Variants in PTPRN2 observed in about 807,000 individuals in gnomAD.
The protein encoded by PTPRN2 is protein tyrosine phosphatase receptor type N2.
A neutral mutation model predicts 118.8 loss-of-function variants in PTPRN2; 74 were observed. The observed-to-expected ratio is 0.62, with a 90% CI of 0.52 to 0.76. The LOEUF is 0.76. PTPRN2 is among the 30% of genes least tolerant of loss of function. The probability of loss-of-function intolerance (pLI) is 0.00; values close to 1 mark genes in which losing one functional copy is unlikely to be tolerated. For missense variants in PTPRN2, 1,481 were observed against 1,394.4 expected (o/e 1.06, Z -0.99); for synonymous variants, 641 against 608.0 (o/e 1.05, Z -0.80).
intron 3 of PTPRN2, among the ~76,000 whole-genome samples, chr7:158,249,929 T>C (rs1796552279): frequency 6.6e-6 from 1 of 152,180 alleles, no homozygotes; most frequent in Admixed American, 6.5e-5. Flanking sequence ...TAAATGCATC[T>C]GAGTGTAATG....
At chr7:158,323,083 G>C (rs1586258415) in intron 2 of PTPRN2, among the ~76,000 whole-genome samples, 2 of 152,224 alleles carry the variant, frequency 1.3e-5, no homozygotes, top group African/African-American at 2.4e-5. Flanking sequence ...GGAATATTCT[G>C]GGAGACGTTC....
At chr7:158,096,173 G>A (rs1037270750) in intron 10 of PTPRN2, among the ~76,000 whole-genome samples, 8 of 152,108 alleles carry the variant, frequency 5.3e-5, no homozygotes, top group Non-Finnish European at 1.2e-4. Context: ...GTTTTTCCTA[G>A]AGTCTCTCCA....
chr7:158,198,539 C>T (rs1010380885), intron 4 of PTPRN2, among the ~76,000 whole-genome samples: 9 of 152,336 alleles, frequency 5.9e-5, no homozygotes, highest in Middle Eastern at 3.4e-3. Context: ...TTCATGGCCA[C>T]CTGAAGTTCT....
chr7:158,206,657 T>G lies in PTPRN2; in HGVS notation c.278-1384A>C, dbSNP rs368925874. Among the ~76,000 whole-genome samples, 8 of 152,044 alleles carry G rather than the reference T, an allele frequency of 5.3e-5. No homozygotes were observed. In the East Asian group the frequency reaches 5.8e-4, roughly 11 times the overall value. ...TGGTAATCCACAAAATTCTTCTAGA[T>G]TGTATCCAAGACTGCCAAGGTGATA... On this transcript the variant is annotated intron_variant, in intron 3 of 22. Transcript: ENST00000389418.
At chr7:157,605,267 C>T (rs534351483) in intron 15 of PTPRN2, among the ~76,000 whole-genome samples, 3 of 152,364 alleles carry the variant, frequency 2.0e-5, no homozygotes, top group Admixed American at 6.5e-5. Context: ...TGGGTGCGGG[C>T]TCTCTGTGAG....
At chr7:158,373,050 C>T (rs1475344424) in intron 2 of PTPRN2, among the ~76,000 whole-genome samples, 3 of 152,200 alleles carry the variant, frequency 2.0e-5, no homozygotes, top group African/African-American at 4.8e-5. Context: ...GGCAGCACGG[C>T]CGAAGGTTCC....
intron 3 of PTPRN2, among the ~76,000 whole-genome samples, chr7:158,244,120 G>A (rs921232141): frequency 6.6e-6 from 1 of 152,162 alleles, no homozygotes; most frequent in African/African-American, 2.4e-5. Context: ...GCAGCACCCA[G>A]TCCCTGGGAA....
At chr7:157,931,710 G>A (rs1799367525) in intron 11 of PTPRN2, among the ~76,000 whole-genome samples, 2 of 152,104 alleles carry the variant, frequency 1.3e-5, no homozygotes, top group Non-Finnish European at 2.9e-5. Context: ...GACAGTTAGA[G>A]GTGTAGCTTT....
At chr7:157,983,698 A>G (rs10949680) in intron 11 of PTPRN2, among the ~76,000 whole-genome samples, 113,026 of 152,180 alleles carry the variant, frequency 0.74, 42,149 homozygotes, top group African/African-American at 0.76. Flanking sequence ...TTGTGAGTGT[A>G]GGCTTGAGAC....
chr7:157,737,390 G>A (rs531731622), intron 12 of PTPRN2, among the ~76,000 whole-genome samples: 3 of 152,356 alleles, frequency 2.0e-5, no homozygotes, highest in East Asian at 1.9e-4. Flanking sequence ...GTCTGAGTGC[G>A]CTGGGCTTGG....
At position 157,744,462 on chromosome 7, in the gene PTPRN2, TGCTCTGGGAAGAATAAATG is replaced by T. The variant is rs538178464; in HGVS notation, c.1789-61544_1789-61526del. 2.4e-3 allele frequency among the ~76,000 whole-genome samples: 362 copies of T among 152,348 alleles called. 2 individuals carry two copies. The highest frequency in any genetic ancestry group is 8.4e-3 in the African/African-American group (349 of 41,582). ...CCGTCCATTACACAACGATGGAATC[TGCTCTGGGAAGAATAAATG>T]GCTCTGGTGAGCATGCTCAGAATTC... On this transcript the variant is annotated intron_variant, in intron 12 of 22. Transcript: ENST00000389418.
At chr7:158,075,346 C>T (rs1027958904) in intron 11 of PTPRN2, among the ~76,000 whole-genome samples, 1 of 152,194 alleles carries the variant, frequency 6.6e-6, no homozygotes, top group Non-Finnish European at 1.5e-5. Flanking sequence ...AGCAGAACCT[C>T]GCCATAGTCC....
rs1160316171 is a variant in PTPRN2, at chr7:158,081,365, T to C, written c.1656A>G (p.Pro552=). The change falls in exon 11 of 23, where the codon CCA becomes CCG. Residue 552 remains proline, a synonymous_variant. Coordinates refer to ENST00000389418, the MANE Select transcript of PTPRN2 (RefSeq NM_002847.5). ...TGGCGCTCACTTTGAAGGTCACTGC[T>C]GGTCCGAGAACCCTGGAAGGGATAA... ...SAFADVEVLG[P]AVTFKVSANV... is the part of the protein sequence containing the mutation. 6.2e-7 allele frequency: 1 copy of C among 1,614,182 alleles called. No individual in the cohort carries two copies. The highest frequency in any genetic ancestry group is 1.7e-5 in the Admixed American group (1 of 60,036).
intron 1 of PTPRN2, among the ~76,000 whole-genome samples, chr7:158,527,384 C>T (rs1554525576): frequency 6.6e-6 from 1 of 152,234 alleles, no homozygotes; most frequent in Non-Finnish European, 1.5e-5. Context: ...CGTGTCCAGT[C>T]CTTGGACGTG....
rs867426789 is a variant in PTPRN2, at chr7:158,205,269, G to C, written c.282C>G (p.Phe94Leu). Reference protein sequence around the residue: ...VALQKLSGTGFTWQDDYTQYV... With the variant: ...VALQKLSGTGLTWQDDYTQYV... ...ACTGAGTATAGTCATCCTGCCACGTGAAACCTGTGGACAAAAATTGCAAAA... is the reference window on the plus strand; with the variant it reads ...ACTGAGTATAGTCATCCTGCCACGTCAAACCTGTGGACAAAAATTGCAAAA... Residue 94 changes from phenylalanine to leucine, a missense_variant, in exon 4 of 23, where the codon TTC becomes TTG. By Grantham distance (22) the Phe-to-Leu change is conservative (BLOSUM62 0). Transcript: ENST00000389418. 3 of 1,612,774 alleles carry C rather than the reference G, an allele frequency of 1.9e-6. No homozygotes were observed. Among genetic ancestry groups the C allele is most frequent in the Non-Finnish European group, 2.5e-6 (3 of 1,179,630 alleles).
At position 158,309,937 on chromosome 7, in the gene PTPRN2, C is replaced by T. The variant is rs754300570; in HGVS notation, c.277+6882G>A. ...CATGCAGGTGGGATTAGTGTCCATA[C>T]GAAAGAGATCCCAGAGCGCTCCCTT... On this transcript the variant is annotated intron_variant, in intron 3 of 22. Transcript: ENST00000389418. Among the ~76,000 whole-genome samples the T allele has an allele frequency of 8.2e-4, 125 of 152,130 alleles. 1 individual carries two copies. The highest frequency in any genetic ancestry group is 3.8e-4 in the Non-Finnish European group (26 of 68,014).
intron 5 of PTPRN2, 114 bp downstream of exon 5, chr7:158,192,213 G>A (rs928619677): frequency 4.1e-5 from 50 of 1,223,232 alleles, no homozygotes; most frequent in Non-Finnish European, 4.8e-5. Context: ...ATGCCCGCTG[G>A]CCCGGGAAAC....
rs949988523 is a variant in PTPRN2 at position 157,608,068 on chromosome 7, C to T, written c.2345-3993G>A. ...AACATATTGCTTTTGAAATTACCAG[C>T]GAAGTCTTTTTTTTAAAGAGACAGG... On this transcript the variant is annotated intron_variant, in intron 15 of 22. Coordinates refer to ENST00000389418, the MANE Select transcript of PTPRN2 (RefSeq NM_002847.5). Among the ~76,000 whole-genome samples the T allele has an allele frequency of 6.6e-5, 10 of 152,112 alleles. 1 individual carries two copies. Among genetic ancestry groups the T allele is most frequent in the Admixed American group, 5.2e-4 (8 of 15,282 alleles).
intron 12 of PTPRN2, among the ~76,000 whole-genome samples, chr7:157,752,830 G>A (rs531993882): frequency 7.2e-5 from 11 of 152,366 alleles, no homozygotes; most frequent in East Asian, 1.9e-4. Flanking sequence ...CAGGGATGGC[G>A]AGGGCCGCCA....
Sources: gnomAD v4.1 joint callset for allele counts (sites outside exome capture counted in the v4.1 genomes callset) on GRCh38, gnomAD v4.1.1 for gene constraint, MANE v1.5 for transcripts, NCBI Gene and HGNC (gene_info 2026-07-23, HGNC 2026-07-21) for gene names.